The following ASH1L variants were observed in gnomAD, a reference collection of about 807,000 sequenced individuals.
The protein encoded by ASH1L is histone-lysine N-methyltransferase ASH1L.
Under a neutral mutation model 269.0 loss-of-function variants are expected in ASH1L, and 23 were observed. That is an observed-to-expected ratio of 0.09 (90% confidence interval 0.06 to 0.12). The LOEUF (loss-of-function observed/expected upper bound fraction) is 0.12. ASH1L is among the 10% of genes least tolerant of loss of function. The pLI is 1.00. For synonymous variants in ASH1L, 1,187 were observed against 1,253.5 expected, an observed-to-expected ratio of 0.95 and a Z score of 1.12; for missense variants, 2,912 against 3,567.8, an observed-to-expected ratio of 0.82 and a Z score of 4.68.
At chr1:155,397,351 T>C (rs1571099453) in intron 6 of ASH1L, among the ~76,000 whole-genome samples, 1 of 150,746 alleles carries the variant, frequency 6.6e-6, no homozygotes, top group Non-Finnish European at 1.5e-5. Context: ...ACAAAAATTA[T>C]CTGGGTGTGG....
rs190420377 is a variant in ASH1L, at chr1:155,387,581, T to C, written c.6104-7465A>G. 1.9e-4 allele frequency among the ~76,000 whole-genome samples: 29 copies of C among 152,346 alleles called. No individual in the cohort carries two copies. In the East Asian group the frequency reaches 5.2e-3, roughly 27 times the overall value. ...TCAGGTAGCATGATGCCTTCAGCTT[T>C]GTTCTTTTTTTGTGTGTAGGATTGC... On this transcript the variant is annotated intron_variant, in intron 7 of 27. Coordinates refer to ENST00000392403, the MANE Select transcript of ASH1L (RefSeq NM_018489.3).
At chr1:155,455,305 G>A (rs1262673502) in intron 4 of ASH1L, among the ~76,000 whole-genome samples, 1 of 152,108 alleles carries the variant, frequency 6.6e-6, no homozygotes, top group Non-Finnish European at 1.5e-5. Context: ...GGCTTAGATT[G>A]TACTCATCAA....
chr1:155,516,040 G>C (rs758886311), intron 2 of ASH1L, among the ~76,000 whole-genome samples: 1 of 151,616 alleles, frequency 6.6e-6, no homozygotes, highest in Non-Finnish European at 1.5e-5. Context: ...GCCTTCTATC[G>C]TTCTGTTTTC....
intron 5 of ASH1L, 77 bp downstream of exon 5, chr1:155,438,250 A>G: frequency 7.3e-7 from 1 of 1,377,672 alleles, no homozygotes; most frequent in Admixed American, 2.5e-5. Context: ...AGATGAAATA[A>G]TTCAGCTATA....
At chr1:155,525,125 T>G (rs1016958518) in intron 1 of ASH1L, among the ~76,000 whole-genome samples, 1 of 152,000 alleles carries the variant, frequency 6.6e-6, no homozygotes, top group Non-Finnish European at 1.5e-5. Context: ...TGCACACCTA[T>G]AGTCCCAGCT....
At chr1:155,513,031 C>G (rs1301241534) in intron 2 of ASH1L, among the ~76,000 whole-genome samples, 1 of 151,674 alleles carries the variant, frequency 6.6e-6, no homozygotes, top group African/African-American at 2.4e-5. Flanking sequence ...CACTGCACTC[C>G]AACCTAGGCA....
In ASH1L at chr1:155,411,586, AATAT is replaced by A. The variant is rs368800129; in HGVS notation, c.6008+4154_6008+4157del. Among the ~76,000 whole-genome samples, 469 of 55,170 alleles carry A rather than the reference AATAT, an allele frequency of 8.5e-3. 21 individuals are homozygous for A. The highest frequency in any genetic ancestry group is 0.044 in the Middle Eastern group (4 of 90). The allele number at this position is 55,170 out of a possible 152,430, so 36.2% of individuals were successfully genotyped here. A position where few individuals can be genotyped will look rare whatever the true frequency, so the allele number is the denominator to read the frequency against. On this transcript the variant is annotated intron_variant, in intron 6 of 27. Coordinates refer to ENST00000392403, the MANE Select transcript of ASH1L (RefSeq NM_018489.3). ...AAATATGAATATAAATAAATAAATA[AATAT>A]ATATATATATATATATATATATATA...
At position 155,479,920 on chromosome 1, in the gene ASH1L, G is replaced by A. The variant is rs548853139; in HGVS notation, c.2950C>T (p.Arg984Cys). 2.8e-5 allele frequency: 45 copies of A among 1,613,204 alleles called. No individual in the cohort carries two copies. The highest frequency in any genetic ancestry group is 4.4e-5 in the South Asian group (4 of 90,942). The change falls in exon 3 of 28, where the codon CGC (arginine) becomes TGC (cysteine). Residue 984 changes from arginine to cysteine, a missense_variant. This residue lies in a region of ASH1L where 715 missense variants were observed against 721.0 expected (regional missense o/e 0.99). Transcript: ENST00000392403. ...NNGQLMKTII[R>C]KINKMKTLKR... ...AAAGTCTTCATTTTATTTATTTTGC[G>A]GATAATTGTTTTCATTAATTGTCCA...
At chr1:155,339,805 G>A (rs1326576622) in intron 25 of ASH1L, among the ~76,000 whole-genome samples, 1 of 152,134 alleles carries the variant, frequency 6.6e-6, no homozygotes, top group Non-Finnish European at 1.5e-5. Context: ...GCACAATACT[G>A]TACTGAATAC....
chr1:155,560,247 C>A (rs1022859258), intron 1 of ASH1L, among the ~76,000 whole-genome samples: 1 of 152,126 alleles, frequency 6.6e-6, no homozygotes, highest in African/African-American at 2.4e-5. Flanking sequence ...TTATGCTCAT[C>A]TTCTAACTTG....
chr1:155,490,288 G>A (rs1421458607), intron 2 of ASH1L, among the ~76,000 whole-genome samples: 1 of 151,780 alleles, frequency 6.6e-6, no homozygotes, highest in Non-Finnish European at 1.5e-5. Flanking sequence ...ATTTCCAATT[G>A]TCAGTATGTA....
chr1:155,557,047 T>C (rs1671643741), intron 1 of ASH1L, among the ~76,000 whole-genome samples: 1 of 152,060 alleles, frequency 6.6e-6, no homozygotes, highest in Non-Finnish European at 1.5e-5. Context: ...AAAAAATTTT[T>C]TTAATTAGAT....
intron 5 of ASH1L, among the ~76,000 whole-genome samples, chr1:155,430,150 G>GT (rs1218094462): frequency 6.6e-6 from 1 of 151,966 alleles, no homozygotes; most frequent in Admixed American, 6.6e-5. Context: ...TGATTTTTAA[G>GT]TTTTTTGTAG....
At chr1:155,427,295 T>G (rs1042388911) in intron 5 of ASH1L, among the ~76,000 whole-genome samples, 2 of 151,346 alleles carry the variant, frequency 1.3e-5, no homozygotes, top group African/African-American at 4.9e-5. Flanking sequence ...GCACCACACC[T>G]GGCTAATTTT....
intron 1 of ASH1L, among the ~76,000 whole-genome samples, chr1:155,529,072 G>T (rs1225527923): frequency 6.6e-6 from 1 of 151,896 alleles, no homozygotes; most frequent in African/African-American, 2.4e-5. Flanking sequence ...TGATGTATAT[G>T]TACTACATTT....
chr1:155,341,230 G>A (rs530724937), intron 25 of ASH1L, among the ~76,000 whole-genome samples: 2 of 151,206 alleles, frequency 1.3e-5, no homozygotes, highest in Non-Finnish European at 2.9e-5. Context: ...AGGCTGGAGT[G>A]CAGTGGCGTG....
rs375442495 is a variant in ASH1L at position 155,481,487 on chromosome 1, G to C, written c.1383C>G (p.Thr461=). Reference sequence around the variant, plus strand: ...CAACATTCTTTTCAAAAGTTTTGCTGGTGGCACTATCTTTCAGGGATTCAG... The same window carrying C: ...CAACATTCTTTTCAAAAGTTTTGCTCGTGGCACTATCTTTCAGGGATTCAG... ...ELSESLKDSA[T]SKTFEKNVVR... Residue 461 remains threonine, a synonymous_variant, in exon 3 of 28, where the codon ACC becomes ACG. Transcript: ENST00000392403. The C allele has an allele frequency of 9.3e-6, 15 of 1,613,922 alleles. No individual in the cohort carries two copies. The highest frequency in any genetic ancestry group is 1.2e-5 in the Non-Finnish European group (14 of 1,179,994).
At chr1:155,381,888 A>G (rs1002817489) in intron 7 of ASH1L, among the ~76,000 whole-genome samples, 1 of 152,024 alleles carries the variant, frequency 6.6e-6, no homozygotes, top group Non-Finnish European at 1.5e-5. Flanking sequence ...ACGGTCTCAA[A>G]AAAAAAGGAA....
Position 155,394,504 on chromosome 1 carries a change from G to T in ASH1L, c.6103+955C>A, listed in dbSNP as rs537376025. On this transcript the variant is annotated intron_variant, in intron 7 of 27. Transcript: ENST00000392403. ...GGCTATTGCAGCAGCCTGAAGAAAA[G>T]ATACTACTGTCACAGACTTGAGAGA... is the stretch of plus-strand genomic sequence containing the variant. Among the ~76,000 whole-genome samples the T allele has an allele frequency of 2.0e-5, 3 of 152,276 alleles. No homozygotes were observed. In the South Asian group the frequency reaches 6.2e-4, roughly 32 times the overall value.
Sources: gnomAD v4.1 joint callset for allele counts (sites outside exome capture counted in the v4.1 genomes callset) on GRCh38, gnomAD v4.1.1 for gene constraint, gnomAD v4.1.1 regional missense constraint, MANE v1.5 for transcripts, NCBI Gene and HGNC (gene_info 2026-07-23, HGNC 2026-07-21) for gene names.